The following PCDHGB4 variants were observed in gnomAD, a reference collection of about 807,000 sequenced individuals.
PCDHGB4 encodes the protein protocadherin gamma subfamily B, 4, also known as protocadherin gamma-B4.
A neutral mutation model predicts 60.5 loss-of-function variants in PCDHGB4; 38 were observed. The ratio of observed to expected loss-of-function variants is 0.63; its 90% CI spans 0.48 to 0.82. The LOEUF (loss-of-function observed/expected upper bound fraction) is 0.82. Among genes scored for constraint, PCDHGB4 ranks in the 40% least tolerant of loss-of-function variants. The pLI is 0.00. For missense variants in PCDHGB4, 1,109 were observed against 1,209.6 expected (o/e 0.92, Z 1.23); for synonymous variants, 456 against 509.7 (o/e 0.89, Z 1.42).
intron 1 of PCDHGB4, chr5:141,403,465 G>C (rs1268345736): frequency 6.2e-7 from 1 of 1,614,018 alleles, no homozygotes; most frequent in Non-Finnish European, 8.5e-7. Context: ...AGAGCTACCA[G>C]CTCAGCCCCA....
At position 141,415,266 on chromosome 5, in the gene PCDHGB4, G is replaced by C. The variant is rs371754316; in HGVS notation, c.2397+24985G>C. 49 of 1,614,100 alleles carry C rather than the reference G, an allele frequency of 3.0e-5. No individual in the cohort carries two copies. The African/African-American group carries it at 6.4e-4, about 21-fold the overall frequency. On this transcript the variant is annotated intron_variant, in intron 1 of 3. Transcript: ENST00000519479. ...AAACCTCAGACCTCACTCTGTACCT[G>C]GTGGTAGCGGTGGCCGCGGTCTCCT...
At chr5:141,415,114 G>T in intron 1 of PCDHGB4, 5 of 1,613,648 alleles carry the variant, frequency 3.1e-6, no homozygotes, top group Non-Finnish European at 4.2e-6. Flanking sequence ...GCAAAGCCTC[G>T]TAGTGGCCGT....
At chr5:141,400,819 C>A (rs1316119038) in intron 1 of PCDHGB4, among the ~76,000 whole-genome samples, 1 of 152,132 alleles carries the variant, frequency 6.6e-6, no homozygotes, top group African/African-American at 2.4e-5. Flanking sequence ...TTTACCTATT[C>A]GTTGTCTCAT....
intron 1 of PCDHGB4, among the ~76,000 whole-genome samples, chr5:141,406,361 T>C (rs2094800900): frequency 6.6e-6 from 1 of 152,194 alleles, no homozygotes; most frequent in African/African-American, 2.4e-5. Flanking sequence ...ACTATGTTTG[T>C]AAGGGTAAAC....
chr5:141,476,747 C>T lies in PCDHGB4; in HGVS notation c.2398-18060C>T. The T allele has an allele frequency of 6.2e-7, 1 of 1,614,066 alleles. No homozygotes were observed. The highest frequency in any genetic ancestry group is 8.5e-7 in the Non-Finnish European group (1 of 1,180,036). On this transcript the variant is annotated intron_variant, in intron 1 of 3. Transcript: ENST00000519479. This position sits in a 1 kb window ranked among gnomAD's most constrained non-coding sequence, Gnocchi z 7.6. The stretch of plus-strand genomic sequence containing the variant: ...GGACCGAGAACGGGAGCCTAGTCTC[C>T]AGTTAGTGCTGACGGCGTTGGACGG...
intron 1 of PCDHGB4, chr5:141,428,075 A>G (rs1427780901): frequency 5.0e-6 from 8 of 1,609,154 alleles, no homozygotes; most frequent in Non-Finnish European, 4.2e-6. Context: ...CAGATTCGGG[A>G]CACAACGCTT....
intron 1 of PCDHGB4, chr5:141,398,713 C>G (rs772426523): frequency 6.2e-7 from 1 of 1,613,828 alleles, no homozygotes; most frequent in Non-Finnish European, 8.5e-7. Context: ...GGAACTGGCA[C>G]TGGAGAAAAC....
At chr5:141,427,929 T>A in intron 1 of PCDHGB4, 1 of 1,582,776 alleles carries the variant, frequency 6.3e-7, no homozygotes, top group South Asian at 1.1e-5. Flanking sequence ...CCGGCGCATG[T>A]TGGTGGGCGA....
intron 1 of PCDHGB4, chr5:141,413,963 C>T (rs1368202031): frequency 6.8e-6 from 11 of 1,613,446 alleles, no homozygotes; most frequent in Non-Finnish European, 9.3e-6. Context: ...CCTGTGGGCA[C>T]TCAGCTGCTG....
intron 1 of PCDHGB4, chr5:141,405,042 T>C (rs765018710): frequency 1.2e-6 from 2 of 1,613,144 alleles, no homozygotes; most frequent in South Asian, 1.1e-5. Flanking sequence ...GTTGTGGCTG[T>C]GGCAGTCGTC....
At chr5:141,436,588 G>A (rs1182294845) in intron 1 of PCDHGB4, among the ~76,000 whole-genome samples, 3 of 152,138 alleles carry the variant, frequency 2.0e-5, no homozygotes, top group Non-Finnish European at 2.9e-5. Context: ...AATTTGAAAG[G>A]TCGTGGTGAT....
chr5:141,403,263 T>A, intron 1 of PCDHGB4: 1 of 1,613,872 alleles, frequency 6.2e-7, no homozygotes, highest in East Asian at 2.2e-5. Flanking sequence ...CGGTGTCTGG[T>A]GAACTTTAAA....
intron 1 of PCDHGB4, among the ~76,000 whole-genome samples, chr5:141,446,107 T>C (rs1031524158): frequency 6.6e-6 from 1 of 152,130 alleles, no homozygotes; most frequent in Admixed American, 6.5e-5. Flanking sequence ...TATAGATATA[T>C]TTAGGAAATG....
chr5:141,486,967 G>C lies in PCDHGB4; in HGVS notation c.2398-7840G>C. The C allele has an allele frequency of 6.2e-7, 1 of 1,614,202 alleles. No homozygotes were observed. Among genetic ancestry groups the C allele is most frequent in the Non-Finnish European group, 8.5e-7 (1 of 1,180,032 alleles). ...TCACAAAGGTGACTGCTGTGGACTT[G>C]GATTCAGGTTACAATGCTTGGGTTT... On this transcript the variant is annotated intron_variant, in intron 1 of 3. Transcript: ENST00000519479. The surrounding 1 kb of genome is among the most constrained non-coding windows in gnomAD (Gnocchi z 5.0).
At chr5:141,435,024 C>T (rs1263332887) in intron 1 of PCDHGB4, among the ~76,000 whole-genome samples, 3 of 151,970 alleles carry the variant, frequency 2.0e-5, no homozygotes, top group Non-Finnish European at 4.4e-5. Context: ...ATGCTCTTTT[C>T]CCACTTTTAT....
chr5:141,474,847 GCCTTCT>G (rs906863967), intron 1 of PCDHGB4, among the ~76,000 whole-genome samples: 3 of 152,198 alleles, frequency 2.0e-5, no homozygotes, highest in African/African-American at 7.2e-5. Context: ...CACTTTACCT[GCCTTCT>G]TCATTTAATA....
At chr5:141,408,302 C>G (rs1017556555) in intron 1 of PCDHGB4, 1 of 1,613,662 alleles carries the variant, frequency 6.2e-7, no homozygotes. Flanking sequence ...TGAGCCGATC[C>G]GCTACTCGAT....
At chr5:141,478,045 T>C in intron 1 of PCDHGB4, 3 of 1,614,144 alleles carry the variant, frequency 1.9e-6, no homozygotes, top group East Asian at 2.2e-5. Flanking sequence ...CCAGGCAGAC[T>C]CTCACGGTCT....
intron 1 of PCDHGB4, chr5:141,415,978 C>A: frequency 5.7e-6 from 2 of 353,430 alleles, no homozygotes; most frequent in Non-Finnish European, 9.4e-6. Flanking sequence ...CTTAAGCAAC[C>A]CTCTTGTTCT....
Sources: gnomAD v4.1 joint callset for allele counts (sites outside exome capture counted in the v4.1 genomes callset) on GRCh38, gnomAD v4.1.1 for gene constraint, Gnocchi (gnomAD v3.1) non-coding constraint, MANE v1.5 for transcripts, NCBI Gene and HGNC (gene_info 2026-07-23, HGNC 2026-07-21) for gene names.